The following GABRA4 variants were observed in gnomAD, a reference collection of about 807,000 sequenced individuals.
GABRA4 encodes the protein gamma-aminobutyric acid type A receptor subunit alpha4, also known as gamma-aminobutyric acid receptor subunit alpha-4.
Under a neutral mutation model 49.7 loss-of-function variants are expected in GABRA4, and 12 were observed. The observed-to-expected ratio is 0.24, with a 90% CI of 0.15 to 0.39. GABRA4 has a LOEUF of 0.39. Among genes scored for constraint, GABRA4 ranks in the 10% least tolerant of loss-of-function variants. GABRA4 has a pLI of 1.00. For synonymous variants in GABRA4, 288 were observed against 240.2 expected, an observed-to-expected ratio of 1.20 and a Z score of -1.84; for missense variants, 506 against 686.0, an observed-to-expected ratio of 0.74 and a Z score of 2.93.
chr4:46,931,836 C>G (rs1393925187), intron 8 of GABRA4, among the ~76,000 whole-genome samples: 2 of 152,076 alleles, frequency 1.3e-5, no homozygotes, highest in Non-Finnish European at 2.9e-5. Context: ...TGAGACAAGC[C>G]TAGAACATCC....
intron 8 of GABRA4, among the ~76,000 whole-genome samples, chr4:46,945,665 A>G (rs548704529): frequency 1.3e-5 from 2 of 152,270 alleles, no homozygotes; most frequent in South Asian, 4.1e-4. Flanking sequence ...AGGACATAGT[A>G]AAATAAGACC....
At chr4:46,975,357 G>T (rs1723103328) in intron 5 of GABRA4, among the ~76,000 whole-genome samples, 1 of 151,944 alleles carries the variant, frequency 6.6e-6, no homozygotes, top group African/African-American at 2.4e-5. Flanking sequence ...TTTATTTCCA[G>T]AAATATATTC....
At chr4:46,969,609 A>C (rs1722880287) in intron 7 of GABRA4, among the ~76,000 whole-genome samples, 1 of 151,570 alleles carries the variant, frequency 6.6e-6, no homozygotes, top group African/African-American at 2.4e-5. Flanking sequence ...CTTAGATAAG[A>C]GAAGTATTGG....
chr4:46,951,794 ACGTGTGTGTGTGTGTGTGTG>A (rs1722181645), intron 8 of GABRA4, among the ~76,000 whole-genome samples: 1 of 105,862 alleles, frequency 9.4e-6, no homozygotes, highest in Admixed American at 1.1e-4. Context: ...ATATGTGTGT[ACGTGTGTGTGTGTGTGTGTG>A]TACATATATA....
chr4:46,944,706 T>G (rs28497667), intron 8 of GABRA4, among the ~76,000 whole-genome samples: 77,763 of 151,870 alleles, frequency 0.51, 20,085 homozygotes, highest in East Asian at 0.66. Flanking sequence ...TCTAAATATT[T>G]CTTCCTTTGA....
At chr4:46,969,513 CATCCA>C (rs1258821831) in intron 7 of GABRA4, among the ~76,000 whole-genome samples, 1 of 151,480 alleles carries the variant, frequency 6.6e-6, no homozygotes, top group African/African-American at 2.4e-5. Context: ...GTTAGCAGAG[CATCCA>C]ATAGTACAAC....
At position 46,988,672 on chromosome 4, in the gene GABRA4, G is replaced by C. The variant is rs368218136; in HGVS notation, c.205+4156C>G. On this transcript the variant is annotated intron_variant, in intron 2 of 8. Transcript: ENST00000264318. ...CTATTTGAAAGTTGTTAAAGCTTTAGAACAAAAGTTCTTATCTCACTTCTT... is the reference window on the plus strand; with the variant it reads ...CTATTTGAAAGTTGTTAAAGCTTTACAACAAAAGTTCTTATCTCACTTCTT... 1.8e-4 allele frequency among the ~76,000 whole-genome samples: 28 copies of C among 152,262 alleles called. No homozygotes were observed. In the East Asian group the frequency reaches 1.9e-3, roughly 10 times the overall value.
intron 2 of GABRA4, among the ~76,000 whole-genome samples, chr4:46,979,836 G>A (rs1278269302): frequency 6.6e-6 from 1 of 152,020 alleles, no homozygotes; most frequent in Admixed American, 6.6e-5. Context: ...TTCTGACAGT[G>A]GCCACTACTG....
At chr4:46,957,272 G>A (rs1393995505) in intron 8 of GABRA4, among the ~76,000 whole-genome samples, 2 of 15,794 alleles carry the variant, frequency 1.3e-4, no homozygotes, top group Admixed American at 1.1e-3. Context: ...TGACTTTGAA[G>A]GATAAATACA....
In GABRA4 at chr4:46,925,714, A is replaced by AT. The variant is rs1721196772; in HGVS notation, c.*2510dup. 1 of 139,376 alleles carries AT rather than the reference A, an allele frequency of 7.2e-6. No homozygotes were observed. The highest frequency in any genetic ancestry group is 2.6e-5 in the African/African-American group (1 of 38,468). The allele number at this position is 139,376 out of a possible 1,614,324, so 8.6% of individuals were successfully genotyped here. A position where few individuals can be genotyped will look rare whatever the true frequency, so the allele number is the denominator to read the frequency against. ...AATTCAGTTAAGGAAAGCAAACAAC[A>AT]TATTATTATTATTATTATTATTATT... On this transcript the variant is annotated 3_prime_UTR_variant, in exon 9 of 9. Coordinates refer to ENST00000264318, the MANE Select transcript of GABRA4 (RefSeq NM_000809.4).
chr4:46,982,998 A>T (rs1322589020), intron 2 of GABRA4, among the ~76,000 whole-genome samples: 1 of 152,080 alleles, frequency 6.6e-6, no homozygotes, highest in East Asian at 1.9e-4. Context: ...ATTATGTGCC[A>T]GGTAGGCTAT....
intron 8 of GABRA4, among the ~76,000 whole-genome samples, chr4:46,958,535 C>CT (rs1228909537): frequency 6.6e-6 from 1 of 151,742 alleles, no homozygotes; most frequent in Non-Finnish European, 1.5e-5. Flanking sequence ...AGTAGGTACT[C>CT]TAAGAAATGA....
intron 8 of GABRA4, among the ~76,000 whole-genome samples, chr4:46,939,165 A>C (rs1007495993): frequency 1.3e-5 from 2 of 152,034 alleles, no homozygotes; most frequent in African/African-American, 4.8e-5. Flanking sequence ...TATAAGGATA[A>C]GGCAGACCGA....
chr4:46,930,714 A>G (rs926883780), intron 8 of GABRA4, among the ~76,000 whole-genome samples: 5 of 151,910 alleles, frequency 3.3e-5, no homozygotes, highest in Admixed American at 1.3e-4. Flanking sequence ...ACCTTTAGAA[A>G]TCTGTATGTT....
rs145697721 is a variant in GABRA4, at chr4:46,985,900, A to T, written c.206-6802T>A. Reference sequence around the variant, plus strand: ...TGCCTTCCCACCAATCTAATGTTAAATATCCTGTACTAGATTATCCCAGTA... The same window carrying T: ...TGCCTTCCCACCAATCTAATGTTAATTATCCTGTACTAGATTATCCCAGTA... On this transcript the variant is annotated intron_variant, in intron 2 of 8. Transcript: ENST00000264318. Among the ~76,000 whole-genome samples the T allele has an allele frequency of 3.8e-3, 585 of 152,118 alleles. 6 individuals carry two copies. Among genetic ancestry groups the T allele is most frequent in the African/African-American group, 0.013 (530 of 41,528 alleles).
At chr4:46,934,293 A>C (rs1303763459) in intron 8 of GABRA4, among the ~76,000 whole-genome samples, 1 of 152,220 alleles carries the variant, frequency 6.6e-6, no homozygotes. Flanking sequence ...GGTAAGCCAC[A>C]CATCTTATTT....
intron 2 of GABRA4, among the ~76,000 whole-genome samples, chr4:46,979,527 C>T (rs1295598533): frequency 1.3e-5 from 2 of 151,992 alleles, no homozygotes; most frequent in African/African-American, 4.8e-5. Context: ...AGGAATGTAT[C>T]CTTGGAGAGC....
At chr4:46,967,540 T>A (rs1340520338) in intron 7 of GABRA4, among the ~76,000 whole-genome samples, 1 of 151,608 alleles carries the variant, frequency 6.6e-6, no homozygotes, top group African/African-American at 2.4e-5. Flanking sequence ...ACCAGGTTCA[T>A]GAGTTAAGTG....
intron 8 of GABRA4, among the ~76,000 whole-genome samples, chr4:46,959,874 C>T (rs989809635): frequency 2.0e-5 from 3 of 148,364 alleles, no homozygotes; most frequent in Non-Finnish European, 3.0e-5. Context: ...GAGTGTGTCT[C>T]CAAAACTGGA....
Sources: gnomAD v4.1 joint callset for allele counts (sites outside exome capture counted in the v4.1 genomes callset) on GRCh38, gnomAD v4.1.1 for gene constraint, MANE v1.5 for transcripts, NCBI Gene and HGNC (gene_info 2026-07-23, HGNC 2026-07-21) for gene names.